Variants in SI observed in about 807,000 individuals in gnomAD.
SI encodes sucrase-isomaltase, also known as sucrase-isomaltase, intestinal.
SI carries 235 observed loss-of-function variants against 253.3 expected under a neutral mutation model. That is an observed-to-expected ratio of 0.93 (90% CI 0.83 to 1.03). The LOEUF is 1.03. SI is among the 50% of genes least tolerant of loss of function. The probability of loss-of-function intolerance (pLI) is 0.00; values close to 1 mark genes in which losing one functional copy is unlikely to be tolerated. For synonymous variants in SI, 819 were observed against 712.0 expected (o/e 1.15, Z -2.39); for missense variants, 2,442 against 2,211.1 (o/e 1.10, Z -2.09).
intron 15 of SI, among the ~76,000 whole-genome samples, chr3:165,048,728 C>T (rs1188899792): frequency 6.6e-6 from 1 of 151,806 alleles, no homozygotes; most frequent in Non-Finnish European, 1.5e-5. Context: ...AACTATTCTT[C>T]TGCCTCAGCC....
Position 165,068,841 on chromosome 3 carries a change from TA to T in SI, c.374-11del, listed in dbSNP as rs11313475. 909,390 of 1,524,822 alleles carry T rather than the reference TA, an allele frequency of 0.6. 276,414 individuals carry two copies. Among genetic ancestry groups the T allele is most frequent in the East Asian group, 0.83 (36,811 of 44,318 alleles). The allele number at this position is 1,524,822 out of a possible 1,614,324, so 94.5% of individuals were successfully genotyped here. ...AATTTGGCTTCAACTCCTTAAAGAA[TA>T]AAAAAAAGCTGCCATGAGTGACTTG... On this transcript the variant is annotated splice_polypyrimidine_tract_variant and intron_variant, in intron 4 of 47. Transcript: ENST00000264382.
At chr3:165,006,511 ATAT>A (rs1269229088) in intron 37 of SI, among the ~76,000 whole-genome samples, 2 of 152,158 alleles carry the variant, frequency 1.3e-5, no homozygotes, top group East Asian at 1.9e-4. Context: ...TATTAATCCA[ATAT>A]TATTTATTGA....
chr3:165,004,470 T>A (rs1346395477), intron 37 of SI, among the ~76,000 whole-genome samples: 1 of 152,104 alleles, frequency 6.6e-6, no homozygotes, highest in Non-Finnish European at 1.5e-5. Context: ...AAGAAAGATA[T>A]ATCAAAAAGA....
At chr3:165,013,163 C>T (rs757908358) in intron 33 of SI, 121 bp from the exon 34 acceptor site, 1 of 751,812 alleles carries the variant, frequency 1.3e-6, no homozygotes, top group Non-Finnish European at 2.5e-6. Flanking sequence ...TTCAGATCTG[C>T]AATCCCTTCA....
At chr3:165,080,661 C>A (rs541532322), upstream of SI, among the ~76,000 whole-genome samples, 19 of 152,050 alleles carry the variant, frequency 1.2e-4, no homozygotes, top group South Asian at 3.7e-3. Flanking sequence ...GACAAAAAAC[C>A]AAACACTGCA....
At chr3:164,983,348 G>A (rs1157524397) in intron 45 of SI, among the ~76,000 whole-genome samples, 1 of 152,102 alleles carries the variant, frequency 6.6e-6, no homozygotes, top group Non-Finnish European at 1.5e-5. Context: ...ACAGTGGGAA[G>A]GTGGCAAGAA....
rs185241595 is a variant in SI at position 164,990,459 on chromosome 3, G to T, written c.5108+894C>A. 3.9e-5 allele frequency among the ~76,000 whole-genome samples: 6 copies of T among 152,218 alleles called. No individual in the cohort carries two copies. In the East Asian group the frequency reaches 1.2e-3, roughly 29 times the overall value. On this transcript the variant is annotated intron_variant, in intron 44 of 47. Transcript: ENST00000264382. ...TCTGGGAAGCTTTCTTACTTTAAGA[G>T]GGAATATCCTGTTGGAAGACAGTTT...
chr3:165,015,291 C>A (rs1576886247), intron 32 of SI, 58 bp from the exon 33 acceptor site: 1 of 1,160,312 alleles, frequency 8.6e-7, no homozygotes, highest in Non-Finnish European at 1.3e-6. Context: ...ACTACTTGGA[C>A]AGTGATTATG....
At chr3:165,042,959 C>A in intron 17 of SI, 100 bp downstream of exon 17, 1 of 787,018 alleles carries the variant, frequency 1.3e-6, no homozygotes, top group Admixed American at 1.8e-5. Context: ...AATTATGCTA[C>A]AATCTTTCAG....
At chr3:164,987,553 CA>C (rs753151541) in intron 44 of SI, among the ~76,000 whole-genome samples, 12 of 151,988 alleles carry the variant, frequency 7.9e-5, no homozygotes, top group Non-Finnish European at 1.2e-4. Flanking sequence ...TACTAAAGTA[CA>C]AAAAATTAGC....
At chr3:165,018,782 G>C (rs1266374491) in intron 28 of SI, among the ~76,000 whole-genome samples, 3 of 151,372 alleles carry the variant, frequency 2.0e-5, no homozygotes, top group African/African-American at 7.3e-5. Context: ...ATGCTGAAGG[G>C]ATTTTAAGAA....
chr3:164,997,544 A>G (rs1718067086), intron 38 of SI, among the ~76,000 whole-genome samples: 1 of 151,514 alleles, frequency 6.6e-6, no homozygotes, highest in South Asian at 2.1e-4. Context: ...TATTTAGGTA[A>G]CTTGCTTGTC....
In SI at chr3:164,990,044, C is replaced by A. The variant is rs138514351; in HGVS notation, c.5108+1309G>T. ...AGACCCAGAGAATTTACAACATCAA[C>A]AGTGAACCCTAATGTAAACTGTGGT... On this transcript the variant is annotated intron_variant, in intron 44 of 47. Coordinates refer to ENST00000264382, the MANE Select transcript of SI (RefSeq NM_001041.4). Among the ~76,000 whole-genome samples the A allele has an allele frequency of 4.3e-3, 657 of 152,192 alleles. 3 individuals carry two copies. The highest frequency in any genetic ancestry group is 0.015 in the African/African-American group (633 of 41,544).
chr3:165,067,720 A>G (rs1290785063), intron 5 of SI, among the ~76,000 whole-genome samples: 1 of 152,072 alleles, frequency 6.6e-6, no homozygotes, highest in Non-Finnish European at 1.5e-5. Context: ...AGTATTATGT[A>G]TAAAATTAAG....
Position 165,049,819 on chromosome 3 carries a change from GT to G in SI, c.1568del (p.Asn523ThrfsTer3). ...GAGTAAACGGTGGATAATTCAATTTGTTTACATTACATCCTTTTGTTGAACC... is the reference window on the plus strand; with the variant it reads ...GAGTAAACGGTGGATAATTCAATTTGTTACATTACATCCTTTTGTTGAACC... ...IQGSTKGCNV[N>X]KLNYPPFTPD... is the part of the protein sequence containing the mutation. On this transcript the variant is annotated frameshift_variant, in exon 14 of 48. Transcript: ENST00000264382. LOFTEE classifies it high-confidence loss of function. 6.2e-7 allele frequency: 1 copy of G among 1,605,178 alleles called. No individual in the cohort carries two copies. The highest frequency in any genetic ancestry group is 1.1e-5 in the South Asian group (1 of 90,834).
chr3:165,013,790 G>A (rs1012097722), intron 33 of SI, among the ~76,000 whole-genome samples: 3 of 152,110 alleles, frequency 2.0e-5, no homozygotes, highest in Non-Finnish European at 2.9e-5. Flanking sequence ...AAAATGTGTA[G>A]AAATACAGAA....
chr3:165,082,260 T>G (rs1715359945), upstream of SI, among the ~76,000 whole-genome samples: 1 of 151,984 alleles, frequency 6.6e-6, no homozygotes, highest in Non-Finnish European at 1.5e-5. Flanking sequence ...ATATTGACAC[T>G]TAATTCTGCA....
At chr3:165,077,794 A>AT (rs1181731564) in intron 1 of SI, among the ~76,000 whole-genome samples, 1 of 151,618 alleles carries the variant, frequency 6.6e-6, no homozygotes, top group East Asian at 1.9e-4. Flanking sequence ...TAAAAAATGC[A>AT]TTTTTGTCAT....
chr3:165,067,388 T>G lies in SI; in HGVS notation c.587A>C (p.Gln196Pro). 1.9e-6 allele frequency: 3 copies of G among 1,612,428 alleles called. No homozygotes were observed. Among genetic ancestry groups the G allele is most frequent in the Non-Finnish European group, 2.5e-6 (3 of 1,178,894 alleles). Reference sequence around the variant, plus strand: ...AATAACTTGGATGCTAAATGGGTTTTGGGCAACCTTCACATCATACAACGT... The same window carrying G: ...AATAACTTGGATGCTAAATGGGTTTGGGGCAACCTTCACATCATACAACGT... ...SDTLYDVKVA[Q>P]NPFSIQVIRK... The change falls in exon 6 of 48, where the codon CAA (glutamine) becomes CCA (proline). Residue 196 changes from glutamine (Q) to proline (P), a missense_variant. Transcript: ENST00000264382.
Sources: gnomAD v4.1 joint callset for allele counts (sites outside exome capture counted in the v4.1 genomes callset) on GRCh38, gnomAD v4.1.1 for gene constraint, MANE v1.5 for transcripts, NCBI Gene and HGNC (gene_info 2026-07-23, HGNC 2026-07-21) for gene names.